The following DGKA variants were observed in gnomAD, a reference collection of about 807,000 sequenced individuals.
The protein encoded by DGKA is 80 kDa diacylglycerol kinase.
Under a neutral mutation model 105.0 loss-of-function variants are expected in DGKA, and 35 were observed. The ratio of observed to expected loss-of-function variants is 0.33; its 90% CI spans 0.25 to 0.44. The LOEUF (loss-of-function observed/expected upper bound fraction) is 0.44. Among genes scored for constraint, DGKA ranks in the 20% least tolerant of loss-of-function variants. The pLI is 1.00. For synonymous variants in DGKA, 296 were observed against 332.0 expected (o/e 0.89, Z 1.18); for missense variants, 665 against 915.0 (o/e 0.73, Z 3.53).
Position 55,940,016 on chromosome 12 carries a change from C to T in DGKA, c.710-66C>T. The T allele has an allele frequency of 7.1e-7, 1 of 1,417,134 alleles. No individual in the cohort carries two copies. The highest frequency in any genetic ancestry group is 1.0e-6 in the Non-Finnish European group (1 of 1,002,832). The allele number at this position is 1,417,134 out of a possible 1,614,324, so 87.8% of individuals were successfully genotyped here. A position where few individuals can be genotyped will look rare whatever the true frequency, so the allele number is the denominator to read the frequency against. On this transcript the variant is annotated intron_variant, in intron 9 of 23. Coordinates refer to ENST00000331886, the MANE Select transcript of DGKA (RefSeq NM_001345.5). This position sits in a 1 kb window ranked among gnomAD's most constrained non-coding sequence, Gnocchi z 4.3. The stretch of plus-strand genomic sequence containing the variant: ...ATCACATATCTGATCCTGCCTCACC[C>T]TCAGGTAAGAAGGAAATAGGGGGAG...
chr12:55,952,075 A>T lies in DGKA; in HGVS notation c.1628A>T (p.Lys543Ile). The T allele has an allele frequency of 1.9e-6, 3 of 1,614,080 alleles. No homozygotes were observed. Among genetic ancestry groups the T allele is most frequent in the Non-Finnish European group, 2.5e-6 (3 of 1,180,018 alleles). Residue 543 changes from lysine (K) to isoleucine (I), a missense_variant, in exon 19 of 24, where the codon AAA (lysine) becomes ATA (isoleucine). Around this residue, in one of 3 missense-constraint regions of DGKA, gnomAD observed 504 missense variants for 681.2 expected, o/e 0.74. Coordinates refer to ENST00000331886, the MANE Select transcript of DGKA (RefSeq NM_001345.5). The surrounding 1 kb of genome is among the most constrained non-coding windows in gnomAD (Gnocchi z 5.1). ...IAHRFHIMREKYPEKFNSRMK... is the reference protein window; with the variant it reads ...IAHRFHIMREIYPEKFNSRMK... ...CATCGATTCCACATCATGCGAGAGA[A>T]ATATCCGGAGAAGTTCAACAGCAGG...
At chr12:55,929,164 G>A (rs1455541804), upstream of DGKA, 1 of 152,154 alleles carries the variant, frequency 6.6e-6, no homozygotes, top group Non-Finnish European at 1.5e-5. Flanking sequence ...TAAATAAAAA[G>A]TATTTGCATA....
In DGKA at chr12:55,941,244, C is replaced by T. The variant is rs770748241; in HGVS notation, c.1102-8C>T. 17 of 1,609,082 alleles carry T rather than the reference C, an allele frequency of 1.1e-5. No homozygotes were observed. In the African/African-American group the frequency reaches 1.9e-4, roughly 18 times the overall value. ...TTTCTTTGTCCTTATTTTCTTCCCC[C>T]AATGCAGATTGACCCTGTTCCTAAC... is the stretch of plus-strand genomic sequence containing the variant. On this transcript the variant is annotated splice_polypyrimidine_tract_variant and splice_region_variant and intron_variant, in intron 13 of 23. Coordinates refer to ENST00000331886, the MANE Select transcript of DGKA (RefSeq NM_001345.5).
Position 55,952,245 on chromosome 12 carries a change from G to A in DGKA, c.1653-96G>A. 1 of 1,501,582 alleles carries A rather than the reference G, an allele frequency of 6.7e-7. No individual in the cohort carries two copies. Among genetic ancestry groups the A allele is most frequent in the Non-Finnish European group, 9.3e-7 (1 of 1,078,692 alleles). 93.0% of individuals were successfully genotyped at this position (1,501,582 alleles called of 1,614,324 possible). A position where few individuals can be genotyped will look rare whatever the true frequency, so the allele number is the denominator to read the frequency against. ...CACCCTTGTTCCCCATGGGACTAAA[G>A]TTAGGAGGTTGATGCCCTTCCCTGT... On this transcript the variant is annotated intron_variant, in intron 19 of 23. Transcript: ENST00000331886. The surrounding 1 kb of genome is among the most constrained non-coding windows in gnomAD (Gnocchi z 5.1).
chr12:55,938,074 A>G lies in DGKA; in HGVS notation c.349+22A>G. 2.5e-6 allele frequency: 4 copies of G among 1,605,612 alleles called. No individual in the cohort carries two copies. In the South Asian group the frequency reaches 4.4e-5, roughly 18 times the overall value. On this transcript the variant is annotated intron_variant, in intron 5 of 23. Transcript: ENST00000331886. ...GAATGTGAGTTGCCCTTCTGAAGTG[A>G]GGTGGCAGGGCAGTGAAGGGAGAGA...
Position 55,953,857 on chromosome 12 carries a change from T to C in DGKA, c.*89T>C. 1 of 1,152,804 alleles carries C rather than the reference T, an allele frequency of 8.7e-7. No homozygotes were observed. Among genetic ancestry groups the C allele is most frequent in the Non-Finnish European group, 1.3e-6 (1 of 778,384 alleles). 71.4% of individuals were successfully genotyped at this position (1,152,804 alleles called of 1,614,324 possible). The stretch of plus-strand genomic sequence containing the variant: ...CGAGGCTCTGTACATTGCTGCCACA[T>C]ACTCCTGCCAGCTTGGGGGAGTGTT... On this transcript the variant is annotated 3_prime_UTR_variant, in exon 24 of 24. Transcript: ENST00000331886.
intron 17 of DGKA, among the ~76,000 whole-genome samples, chr12:55,948,830 T>C (rs984609879): frequency 4.6e-5 from 7 of 151,854 alleles, no homozygotes. Context: ...GAGACCATCC[T>C]GGCTAACATG....
At chr12:55,936,102 A>G in intron 1 of DGKA, 3 of 908,486 alleles carry the variant, frequency 3.3e-6, no homozygotes, top group Non-Finnish European at 2.7e-6. Flanking sequence ...ACAGAAACAT[A>G]TATAGACTGA....
chr12:55,938,379 C>A, intron 5 of DGKA, 132 bp from the exon 6 acceptor site: 1 of 1,135,986 alleles, frequency 8.8e-7, no homozygotes, highest in Non-Finnish European at 1.3e-6. Flanking sequence ...GTCTCTCTCT[C>A]AGTCCCATCC....
In DGKA at chr12:55,953,677, C is replaced by T; in HGVS notation, c.2125-8C>T. Reference sequence around the variant, plus strand: ...TCCTGCCTCTGAATGTGCTCCCTTCCCTTCCAGATCAAGATCACCCACAAG... The same window carrying T: ...TCCTGCCTCTGAATGTGCTCCCTTCTCTTCCAGATCAAGATCACCCACAAG... On this transcript the variant is annotated splice_polypyrimidine_tract_variant and splice_region_variant and intron_variant, in intron 23 of 23. Transcript: ENST00000331886. 1 of 1,613,556 alleles carries T rather than the reference C, an allele frequency of 6.2e-7. No individual in the cohort carries two copies. Among genetic ancestry groups the T allele is most frequent in the African/African-American group, 1.3e-5 (1 of 75,030 alleles).
At chr12:55,939,360 C>T (rs779866280) in intron 8 of DGKA, 55 bp downstream of exon 8, 237 of 1,613,264 alleles carry the variant, frequency 1.5e-4, no homozygotes, top group Non-Finnish European at 2.0e-4. Context: ...TATGCTTGCC[C>T]GGATTGGCCC....
chr12:55,941,689 A>C (rs1266816616), intron 15 of DGKA, 105 bp downstream of exon 15: 7 of 1,194,336 alleles, frequency 5.9e-6, no homozygotes, highest in Non-Finnish European at 8.6e-6. Context: ...GGAGGGCTAG[A>C]GATCCCCAAG....
intron 8 of DGKA, 39 bp downstream of exon 8, chr12:55,939,344 T>C: frequency 6.2e-7 from 1 of 1,613,298 alleles, no homozygotes; most frequent in Non-Finnish European, 8.5e-7. Context: ...TAAGACAGCC[T>C]TGGGTTATGC....
At chr12:55,939,827 C>T (rs1182545844) in intron 9 of DGKA, 3 of 587,752 alleles carry the variant, frequency 5.1e-6, no homozygotes, top group East Asian at 2.8e-5. Flanking sequence ...AGACCTGGGC[C>T]TCCCAAGCAT....
intron 5 of DGKA, 47 bp from the exon 6 acceptor site, chr12:55,938,464 G>C (rs1330788576): frequency 1.9e-6 from 3 of 1,609,808 alleles, no homozygotes; most frequent in Non-Finnish European, 2.5e-6. Flanking sequence ...TGAATTCTTT[G>C]GGTATCTCTC....
rs1466286263 is a variant in DGKA, at chr12:55,948,205, G to A, written c.1427-3418G>A. Reference sequence around the variant, plus strand: ...TCATGAGGTCAGGACTTCAAGACCAGCCTGGCCAAAATGGTGAAACCCCGT... The same window carrying A: ...TCATGAGGTCAGGACTTCAAGACCAACCTGGCCAAAATGGTGAAACCCCGT... On this transcript the variant is annotated intron_variant, in intron 17 of 23. Transcript: ENST00000331886. 2.7e-5 allele frequency among the ~76,000 whole-genome samples: 4 copies of A among 150,330 alleles called. No homozygotes were observed. The East Asian group carries it at 6.2e-4, about 23-fold the overall frequency.
chr12:55,937,317 C>T (rs1233703815), intron 3 of DGKA, 91 bp from the exon 4 acceptor site: 1 of 1,464,504 alleles, frequency 6.8e-7, no homozygotes, highest in Middle Eastern at 1.8e-4. Context: ...CTCAGCTCTG[C>T]ATTTATTATC....
chr12:55,950,678 G>A (rs1422134487), intron 17 of DGKA, among the ~76,000 whole-genome samples: 3 of 151,588 alleles, frequency 2.0e-5, no homozygotes, highest in African/African-American at 4.9e-5. Context: ...CTGGTCTCAA[G>A]GGATCACCCG....
intron 17 of DGKA, among the ~76,000 whole-genome samples, chr12:55,949,261 G>A (rs969847300): frequency 6.6e-6 from 1 of 151,158 alleles, no homozygotes; most frequent in Non-Finnish European, 1.5e-5. Context: ...ACAATGGCAC[G>A]ATCTCAGCTC....
Sources: gnomAD v4.1 joint callset for allele counts (sites outside exome capture counted in the v4.1 genomes callset) on GRCh38, gnomAD v4.1.1 for gene constraint, gnomAD v4.1.1 regional missense constraint, Gnocchi (gnomAD v3.1) non-coding constraint, MANE v1.5 for transcripts, NCBI Gene and HGNC (gene_info 2026-07-23, HGNC 2026-07-21) for gene names.